Variants in INPP4B observed in about 807,000 individuals in gnomAD.
The protein encoded by INPP4B is inositol polyphosphate 4-phosphatase type II.
INPP4B carries 55 observed loss-of-function variants against 122.5 expected under a neutral mutation model. The observed-to-expected ratio is 0.45, with a 90% CI of 0.36 to 0.56. The LOEUF is 0.56. INPP4B is among the 20% of genes least tolerant of loss of function. The pLI, the probability that INPP4B is intolerant of heterozygous loss-of-function variation, is 0.00. For missense variants in INPP4B, 1,000 were observed against 1,097.7 expected (o/e 0.91, Z 1.26); for synonymous variants, 403 against 388.7 (o/e 1.04, Z -0.43).
intron 2 of INPP4B, among the ~76,000 whole-genome samples, chr4:142,609,616 A>G (rs2150331751): frequency 6.6e-6 from 1 of 152,308 alleles, no homozygotes; most frequent in East Asian, 1.9e-4. Flanking sequence ...ACTGATAAAA[A>G]TTATGATTCA....
At chr4:142,758,071 A>C (rs1770760630) in intron 1 of INPP4B, among the ~76,000 whole-genome samples, 1 of 152,188 alleles carries the variant, frequency 6.6e-6, no homozygotes, top group African/African-American at 2.4e-5. Flanking sequence ...CTCTGAATAG[A>C]TCTCATCAGT....
rs991891816 is a variant in INPP4B, at chr4:142,028,497, G to T, written c.*285C>A. ...TCCTCAGAAACATTTAAATACTCAT[G>T]AATGAAATTTACACTTTGTGAACCA... is the stretch of plus-strand genomic sequence containing the variant. On this transcript the variant is annotated 3_prime_UTR_variant, in exon 26 of 26. Coordinates refer to ENST00000262992, the MANE Select transcript of INPP4B (RefSeq NM_001101669.3). 4 of 367,508 alleles carry T rather than the reference G, an allele frequency of 1.1e-5. No individual in the cohort carries two copies. Among genetic ancestry groups the T allele is most frequent in the Non-Finnish European group, 2.0e-5 (4 of 202,712 alleles). 22.8% of individuals were successfully genotyped at this position (367,508 alleles called of 1,614,324 possible).
At chr4:142,645,232 T>TA (rs1751483492) in intron 2 of INPP4B, among the ~76,000 whole-genome samples, 2 of 152,180 alleles carry the variant, frequency 1.3e-5, no homozygotes, top group Admixed American at 1.3e-4. Flanking sequence ...AAAATTTTAA[T>TA]AAAAGAAATG....
rs570742504 is a variant in INPP4B, at chr4:142,293,047, T to G, written c.503+12411A>C. 2.0e-3 allele frequency among the ~76,000 whole-genome samples: 304 copies of G among 151,530 alleles called. 4 individuals are homozygous for G. Among genetic ancestry groups the G allele is most frequent in the African/African-American group, 7.0e-3 (288 of 41,318 alleles). On this transcript the variant is annotated intron_variant, in intron 9 of 25. Coordinates refer to ENST00000262992, the MANE Select transcript of INPP4B (RefSeq NM_001101669.3). ...TTACCTAATTTTTATACCCTTTTTTTTTTTTTTTAAGACAGAGTCTTGCTC... is the reference window on the plus strand; with the variant it reads ...TTACCTAATTTTTATACCCTTTTTTGTTTTTTTTAAGACAGAGTCTTGCTC...
intron 11 of INPP4B, among the ~76,000 whole-genome samples, chr4:142,239,396 A>G (rs1196544990): frequency 1.3e-5 from 2 of 152,152 alleles, no homozygotes; most frequent in Non-Finnish European, 2.9e-5. Context: ...GAGAGAAAAT[A>G]CTGCATTTTA....
At chr4:142,457,436 A>T (rs532582165) in intron 3 of INPP4B, among the ~76,000 whole-genome samples, 1 of 152,154 alleles carries the variant, frequency 6.6e-6, no homozygotes, top group Non-Finnish European at 1.5e-5. Flanking sequence ...ACTCCATAAG[A>T]AAACAAAAAT....
chr4:142,838,342 T>A lies in INPP4B; in HGVS notation c.-254+7867A>T, dbSNP rs796710923. 1.6e-4 allele frequency among the ~76,000 whole-genome samples: 25 copies of A among 151,828 alleles called. 1 individual carries two copies. Among genetic ancestry groups the A allele is most frequent in the African/African-American group, 6.0e-4 (25 of 41,432 alleles). On this transcript the variant is annotated intron_variant, in intron 1 of 25. Coordinates refer to ENST00000262992, the MANE Select transcript of INPP4B (RefSeq NM_001101669.3). ...TTTCAATGGAGACTTCGTACATTTATAATCAGAAAAATAGAGAGTAGGAAA... is the reference window on the plus strand; with the variant it reads ...TTTCAATGGAGACTTCGTACATTTAAAATCAGAAAAATAGAGAGTAGGAAA...
intron 23 of INPP4B, among the ~76,000 whole-genome samples, chr4:142,102,523 T>G (rs1024494789): frequency 2.1e-5 from 3 of 141,766 alleles, no homozygotes; most frequent in Non-Finnish European, 4.5e-5. Context: ...GTGAGAGACG[T>G]GAGAGAAAGT....
chr4:142,443,309 G>C (rs1318282971), intron 3 of INPP4B, among the ~76,000 whole-genome samples: 2 of 152,118 alleles, frequency 1.3e-5, no homozygotes, highest in Admixed American at 1.3e-4. Flanking sequence ...GGTGCCTGGA[G>C]AAAGTGTCCC....
At chr4:142,548,901 C>T (rs1222427137) in intron 2 of INPP4B, among the ~76,000 whole-genome samples, 1 of 151,916 alleles carries the variant, frequency 6.6e-6, no homozygotes, top group Non-Finnish European at 1.5e-5. Flanking sequence ...CCAAAGTCAC[C>T]ATTGTGAATA....
At chr4:142,728,563 G>C (rs941386350) in intron 1 of INPP4B, among the ~76,000 whole-genome samples, 1 of 152,170 alleles carries the variant, frequency 6.6e-6, no homozygotes, top group Non-Finnish European at 1.5e-5. Flanking sequence ...CTTATAAGAA[G>C]AGATGAGACA....
At chr4:142,346,696 A>T (rs1036113640) in intron 7 of INPP4B, among the ~76,000 whole-genome samples, 8 of 152,054 alleles carry the variant, frequency 5.3e-5, no homozygotes, top group African/African-American at 1.7e-4. Flanking sequence ...AACTCAGTAA[A>T]ATAGATCAAA....
intron 2 of INPP4B, among the ~76,000 whole-genome samples, chr4:142,610,718 T>C (rs908874834): frequency 1.3e-5 from 2 of 152,200 alleles, no homozygotes; most frequent in African/African-American, 4.8e-5. Flanking sequence ...TATTTGATTC[T>C]ATATTGATCT....
chr4:142,121,530 T>C (rs1796542435), intron 21 of INPP4B, among the ~76,000 whole-genome samples: 1 of 152,036 alleles, frequency 6.6e-6, no homozygotes, highest in Non-Finnish European at 1.5e-5. Flanking sequence ...AAGATGTACC[T>C]CTTCTATTGG....
chr4:142,451,752 A>G (rs1233929277), intron 3 of INPP4B, among the ~76,000 whole-genome samples: 1 of 152,224 alleles, frequency 6.6e-6, no homozygotes, highest in Non-Finnish European at 1.5e-5. Flanking sequence ...TTGACAGTTA[A>G]AAGGACAGCA....
At chr4:142,844,277 T>A (rs2151221367) in intron 1 of INPP4B, among the ~76,000 whole-genome samples, 1 of 152,354 alleles carries the variant, frequency 6.6e-6, no homozygotes, top group Non-Finnish European at 1.5e-5. Context: ...GTGATCATTA[T>A]TTTATCACAA....
chr4:142,796,457 G>A (rs979528712), intron 1 of INPP4B, among the ~76,000 whole-genome samples: 3 of 151,970 alleles, frequency 2.0e-5, no homozygotes, highest in Admixed American at 6.6e-5. Flanking sequence ...ACCAGGGAAT[G>A]AGTACTCTGA....
At chr4:142,360,910 G>A (rs1785167344) in intron 7 of INPP4B, among the ~76,000 whole-genome samples, 1 of 151,760 alleles carries the variant, frequency 6.6e-6, no homozygotes, top group African/African-American at 2.4e-5. Flanking sequence ...TTTCACCAAG[G>A]GCAAATATTT....
intron 7 of INPP4B, among the ~76,000 whole-genome samples, chr4:142,389,597 C>T (rs922868895): frequency 6.6e-6 from 1 of 152,102 alleles, no homozygotes; most frequent in Non-Finnish European, 1.5e-5. Context: ...GAAGATTATT[C>T]AATTTACTTA....
Sources: gnomAD v4.1 joint callset for allele counts (sites outside exome capture counted in the v4.1 genomes callset) on GRCh38, gnomAD v4.1.1 for gene constraint, MANE v1.5 for transcripts, NCBI Gene and HGNC (gene_info 2026-07-23, HGNC 2026-07-21) for gene names.